The following TEX14 variants were observed in gnomAD, a reference collection of about 807,000 sequenced individuals.
TEX14 encodes testis expressed 14, intercellular bridge forming factor.
TEX14 carries 168 observed loss-of-function variants against 178.6 expected under a neutral mutation model. That is an observed-to-expected ratio of 0.94 (90% CI 0.83 to 1.07). The LOEUF is 1.07. Ranked by LOEUF, TEX14 falls within the 50% of genes least tolerant of loss-of-function variation. The pLI, the probability that TEX14 is intolerant of heterozygous loss-of-function variation, is 0.00. For synonymous variants in TEX14, 626 were observed against 634.1 expected (o/e 0.99, Z 0.19); for missense variants, 1,730 against 1,753.6 (o/e 0.99, Z 0.24).
chr17:58,581,128 T>C (rs962378590), intron 19 of TEX14, among the ~76,000 whole-genome samples: 1 of 152,020 alleles, frequency 6.6e-6, no homozygotes, highest in Non-Finnish European at 1.5e-5. Context: ...CCGACCAACA[T>C]GGTGAAACCC....
chr17:58,640,142 C>A (rs1348260505), intron 2 of TEX14, among the ~76,000 whole-genome samples: 2 of 151,942 alleles, frequency 1.3e-5, no homozygotes, highest in Admixed American at 1.3e-4. Context: ...GAAACCCTGT[C>A]TCTACTAAAA....
chr17:58,578,446 C>T (rs1009938940), intron 20 of TEX14, among the ~76,000 whole-genome samples: 1 of 152,110 alleles, frequency 6.6e-6, no homozygotes, highest in Admixed American at 6.6e-5. Flanking sequence ...GTCTTGGAAC[C>T]TAGCATGCTG....
chr17:58,655,186 CT>C (rs879873758), intron 1 of TEX14, among the ~76,000 whole-genome samples: 26 of 151,086 alleles, frequency 1.7e-4, no homozygotes, highest in Non-Finnish European at 3.2e-4. Flanking sequence ...CTAATTTTTT[CT>C]TTTTTTTCTT....
chr17:58,677,017 G>C (rs1395362835), intron 1 of TEX14, among the ~76,000 whole-genome samples: 1 of 151,506 alleles, frequency 6.6e-6, no homozygotes, highest in Non-Finnish European at 1.5e-5. Context: ...TACTCAGGAG[G>C]CTGAGGCAGG....
intron 1 of TEX14, among the ~76,000 whole-genome samples, chr17:58,665,966 T>C (rs2047195986): frequency 6.6e-6 from 1 of 151,600 alleles, no homozygotes; most frequent in African/African-American, 2.4e-5. Flanking sequence ...GGAGAATCGC[T>C]TCAACCTAGG....
intron 19 of TEX14, chr17:58,581,612 T>C (rs2144397932): frequency 6.2e-7 from 1 of 1,613,660 alleles, no homozygotes; most frequent in East Asian, 2.2e-5. Context: ...GTTTTTTACC[T>C]CTAGAGCTAA....
intron 1 of TEX14, among the ~76,000 whole-genome samples, chr17:58,678,537 A>C (rs1238654055): frequency 5.9e-5 from 9 of 152,150 alleles, no homozygotes; most frequent in African/African-American, 1.9e-4. Context: ...GACATGGATG[A>C]AGCTGGAAAC....
intron 14 of TEX14, among the ~76,000 whole-genome samples, chr17:58,597,380 C>G (rs1289824790): frequency 6.6e-6 from 1 of 152,010 alleles, no homozygotes; most frequent in Non-Finnish European, 1.5e-5. Context: ...GCCTGGGCAA[C>G]AGAGTGAGAC....
Position 58,599,379 on chromosome 17 carries a change from C to T in TEX14, c.1966G>A (p.Glu656Lys), listed in dbSNP as rs752267096. Residue 656 changes from glutamate (E) to lysine (K), a missense_variant, in exon 14 of 32, where the codon GAA (glutamate) becomes AAA (lysine). By Grantham distance (56) the Glu-to-Lys change is moderately conservative. Coordinates refer to ENST00000349033, the MANE Select transcript of TEX14 (RefSeq NM_031272.5). ...LEADGPNQVD[E>K]LKSMEEELDK... ...AGCTCTTCTTCCATGGATTTCAGTTCATCTACCTGGTTAGGTCCGTCTGCC... is the reference window on the plus strand; with the variant it reads ...AGCTCTTCTTCCATGGATTTCAGTTTATCTACCTGGTTAGGTCCGTCTGCC... 3.7e-6 allele frequency: 6 copies of T among 1,614,086 alleles called. No individual in the cohort carries two copies. The highest frequency in any genetic ancestry group is 2.2e-5 in the East Asian group (1 of 44,896).
chr17:58,664,630 C>T (rs1408550057), intron 1 of TEX14, among the ~76,000 whole-genome samples: 3 of 152,122 alleles, frequency 2.0e-5, no homozygotes, highest in Non-Finnish European at 2.9e-5. Context: ...CTTGCCAGAC[C>T]TATAAAAAGT....
chr17:58,652,988 G>A (rs1039928707), intron 1 of TEX14, among the ~76,000 whole-genome samples: 2 of 152,148 alleles, frequency 1.3e-5, no homozygotes, highest in African/African-American at 4.8e-5. Context: ...TCAGGCTGGA[G>A]TGCAGTGGCG....
chr17:58,565,913 T>C, intron 26 of TEX14, 89 bp from the exon 27 acceptor site: 1 of 1,018,432 alleles, frequency 9.8e-7, no homozygotes, highest in East Asian at 2.6e-5. Context: ...AGGGTGATCC[T>C]TAGACTTGCA....
At chr17:58,621,176 G>T (rs1392016198) in intron 5 of TEX14, among the ~76,000 whole-genome samples, 2 of 152,206 alleles carry the variant, frequency 1.3e-5, no homozygotes, top group East Asian at 1.9e-4. Context: ...TGTGATGGGA[G>T]AAGAGGGGGC....
chr17:58,678,951 C>G (rs1175478697), intron 1 of TEX14, among the ~76,000 whole-genome samples: 1 of 151,624 alleles, frequency 6.6e-6, no homozygotes, highest in South Asian at 2.1e-4. Context: ...GTTAGGAGTG[C>G]GAGACCAGCC....
intron 2 of TEX14, among the ~76,000 whole-genome samples, chr17:58,639,818 T>C (rs552761798): frequency 1.1e-4 from 16 of 152,322 alleles, no homozygotes; most frequent in Non-Finnish European, 1.8e-4. Context: ...TTTCGAACGC[T>C]AGGGTCAGGT....
intron 2 of TEX14, among the ~76,000 whole-genome samples, chr17:58,645,873 T>C (rs1266462204): frequency 6.6e-6 from 1 of 152,200 alleles, no homozygotes; most frequent in Non-Finnish European, 1.5e-5. Context: ...AATAACATAG[T>C]ATTTGCATAT....
At chr17:58,632,078 C>CAGA in intron 2 of TEX14, among the ~76,000 whole-genome samples, 1 of 152,228 alleles carries the variant, frequency 6.6e-6, no homozygotes, top group Admixed American at 6.5e-5. Context: ...GAGCTCCTTT[C>CAGA]TAACCCCGCC....
intron 26 of TEX14, among the ~76,000 whole-genome samples, chr17:58,566,298 T>A (rs2044396788): frequency 6.6e-6 from 1 of 152,206 alleles, no homozygotes; most frequent in South Asian, 2.1e-4. Context: ...ATTTAGCAGA[T>A]GAGGAAATTT....
intron 10 of TEX14, 49 bp from the exon 11 acceptor site, chr17:58,605,178 T>TATTCATTCATTC: frequency 6.4e-7 from 1 of 1,570,660 alleles, no homozygotes; most frequent in African/African-American, 1.4e-5. Flanking sequence ...AAGGGTCTTT[T>TATTCATTCATTC]ATTCATTCAT....
Sources: allele counts gnomAD v4.1 joint callset (sites outside exome capture counted in the v4.1 genomes callset), GRCh38; gene constraint gnomAD v4.1.1; transcripts MANE v1.5; gene names NCBI Gene and HGNC (gene_info 2026-07-23, HGNC 2026-07-21).